Variants in RAB4A observed in about 807,000 individuals in gnomAD.
RAB4A encodes ras-related protein Rab-4A.
RAB4A carries 20 observed loss-of-function variants against 34.5 expected under a neutral mutation model. That is an observed-to-expected ratio of 0.58 (90% CI 0.41 to 0.84). The LOEUF is 0.84. RAB4A is among the 40% of genes least tolerant of loss of function. The pLI, the probability that RAB4A is intolerant of heterozygous loss-of-function variation, is 0.00. For synonymous variants in RAB4A, 102 were observed against 100.0 expected (o/e 1.02, Z -0.12); for missense variants, 228 against 274.5 (o/e 0.83, Z 1.20).
At chr1:229,275,452 T>C (rs1656615437) in intron 1 of RAB4A, among the ~76,000 whole-genome samples, 1 of 152,238 alleles carries the variant, frequency 6.6e-6, no homozygotes, top group South Asian at 2.1e-4. Flanking sequence ...AATAAACTTC[T>C]GTTGTTTTAA....
chr1:229,303,052 G>C (rs957458239), intron 7 of RAB4A, 63 bp downstream of exon 7: 7 of 1,157,890 alleles, frequency 6.0e-6, no homozygotes, highest in African/African-American at 1.5e-5. Context: ...GCCTGTTAAA[G>C]CTTTGGGAAG....
At chr1:229,303,262 C>T (rs534478581) in intron 7 of RAB4A, among the ~76,000 whole-genome samples, 4 of 151,522 alleles carry the variant, frequency 2.6e-5, no homozygotes, top group Non-Finnish European at 4.4e-5. Context: ...ACTCATGAAA[C>T]TTAGGAGAAT....
Position 229,305,196 on chromosome 1 carries a change from A to G in RAB4A, c.*1403A>G. The G allele has an allele frequency of 5.6e-6, 9 of 1,605,658 alleles. No homozygotes were observed. The highest frequency in any genetic ancestry group is 7.6e-6 in the Non-Finnish European group (9 of 1,176,826). On this transcript the variant is annotated 3_prime_UTR_variant, in exon 8 of 8. Coordinates refer to ENST00000366690, the MANE Select transcript of RAB4A (RefSeq NM_004578.4). The stretch of plus-strand genomic sequence containing the variant: ...AGATATTTTGAGTTTTGCTTTTTTT[A>G]TGCCTTGAATATTTTATTTCAAAAA...
intron 1 of RAB4A, among the ~76,000 whole-genome samples, chr1:229,273,716 G>A (rs748129599): frequency 3.2e-4 from 48 of 152,298 alleles, no homozygotes; most frequent in Non-Finnish European, 5.4e-4. Context: ...TCCATCCTGG[G>A]CAACAGAGTG....
chr1:229,271,247 T>G lies in RAB4A; in HGVS notation c.-93T>G. On this transcript the variant is annotated 5_prime_UTR_variant, in exon 1 of 8. Coordinates refer to ENST00000366690, the MANE Select transcript of RAB4A (RefSeq NM_004578.4). ...CCGGTCGGGCCCCTCCCTCCTCCGG[T>G]CCCCCGCCCCAGGTCCTTCCCCACC... 1 of 1,204,766 alleles carries G rather than the reference T, an allele frequency of 8.3e-7. No individual in the cohort carries two copies. Among genetic ancestry groups the G allele is most frequent in the Non-Finnish European group, 1.0e-6 (1 of 956,720 alleles). 74.6% of individuals were successfully genotyped at this position (1,204,766 alleles called of 1,614,324 possible). A position where few individuals can be genotyped will look rare whatever the true frequency, so the allele number is the denominator to read the frequency against.
rs149627858 is a variant in RAB4A, at chr1:229,303,947, A to C, written c.*154A>C. 2.0e-5 allele frequency: 3 copies of C among 152,258 alleles called. 1 individual carries two copies. Among genetic ancestry groups the C allele is most frequent in the Non-Finnish European group, 4.4e-5 (3 of 68,044 alleles). 9.4% of individuals were successfully genotyped at this position (152,258 alleles called of 1,614,324 possible). On this transcript the variant is annotated 3_prime_UTR_variant, in exon 8 of 8. Coordinates refer to ENST00000366690, the MANE Select transcript of RAB4A (RefSeq NM_004578.4). The stretch of plus-strand genomic sequence containing the variant: ...TTTGGGGTGTTCTGCAAGCCAGTCA[A>C]AGTGGCACAGCAAATCATATAAATC...
At chr1:229,284,908 C>T (rs1656884123) in intron 1 of RAB4A, among the ~76,000 whole-genome samples, 1 of 152,088 alleles carries the variant, frequency 6.6e-6, no homozygotes, top group Admixed American at 6.5e-5. Flanking sequence ...TTTATATGTT[C>T]TGTCCTCAGC....
intron 3 of RAB4A, among the ~76,000 whole-genome samples, chr1:229,289,826 TTAAG>T (rs1444028199): frequency 1.3e-5 from 2 of 152,114 alleles, no homozygotes; most frequent in Non-Finnish European, 2.9e-5. Flanking sequence ...CAAAAATTAA[TTAAG>T]TAATTGAAGT....
chr1:229,272,091 AG>A (rs1288807384), intron 1 of RAB4A, among the ~76,000 whole-genome samples: 1 of 149,666 alleles, frequency 6.7e-6, no homozygotes, highest in African/African-American at 2.5e-5. Context: ...AATAAGCGAA[AG>A]CTTTCCCAGT....
chr1:229,272,862 A>G (rs908599330), intron 1 of RAB4A, among the ~76,000 whole-genome samples: 13 of 152,332 alleles, frequency 8.5e-5, no homozygotes, highest in African/African-American at 3.1e-4. Flanking sequence ...ACAAAGGGGC[A>G]TGACATCTGT....
At chr1:229,274,384 C>T (rs1656584860) in intron 1 of RAB4A, among the ~76,000 whole-genome samples, 1 of 152,090 alleles carries the variant, frequency 6.6e-6, no homozygotes, top group Admixed American at 6.5e-5. Flanking sequence ...TGTTTATGAG[C>T]TACCTCTCAT....
At position 229,302,282 on chromosome 1, in the gene RAB4A, TA is replaced by T. The variant is rs56208311; in HGVS notation, c.542-579del. On this transcript the variant is annotated intron_variant, in intron 6 of 7. Coordinates refer to ENST00000366690, the MANE Select transcript of RAB4A (RefSeq NM_004578.4). ...TTATATATATATATATATATATATA[TA>T]TATATATATATATATATATATATAT... is the stretch of plus-strand genomic sequence containing the variant. Among the ~76,000 whole-genome samples the T allele has an allele frequency of 4.0e-3, 78 of 19,368 alleles. 7 individuals carry two copies. The highest frequency in any genetic ancestry group is 0.011 in the African/African-American group (42 of 3,846). 12.7% of individuals were successfully genotyped at this position (19,368 alleles called of 152,430 possible).
At chr1:229,280,933 T>A (rs1200525260) in intron 1 of RAB4A, among the ~76,000 whole-genome samples, 1 of 152,234 alleles carries the variant, frequency 6.6e-6, no homozygotes, top group African/African-American at 2.4e-5. Flanking sequence ...GGAGATACAT[T>A]CCAGGTTATT....
At chr1:229,298,858 T>C (rs1657309136) in intron 5 of RAB4A, 119 bp from the exon 6 acceptor site, 2 of 715,332 alleles carry the variant, frequency 2.8e-6, no homozygotes, top group African/African-American at 1.8e-5. Context: ...AAATATATGG[T>C]TTTAGGTCAT....
At position 229,271,141 on chromosome 1, in the gene RAB4A, A is replaced by C. The variant is rs1656426437; in HGVS notation, c.-199A>C. The C allele has an allele frequency of 7.6e-6, 3 of 395,336 alleles. No homozygotes were observed. The highest frequency in any genetic ancestry group is 8.2e-5 in the East Asian group (2 of 24,410). The allele number at this position is 395,336 out of a possible 1,614,324, so 24.5% of individuals were successfully genotyped here. On this transcript the variant is annotated 5_prime_UTR_variant, in exon 1 of 8. Transcript: ENST00000366690. ...CCTCCTCGCGGTCGCGGCCGGACGG[A>C]GGGTGGAGGGCCCTGCGCCTGCGCG...
intron 3 of RAB4A, among the ~76,000 whole-genome samples, chr1:229,292,271 T>C (rs1657109640): frequency 6.6e-6 from 1 of 152,124 alleles, no homozygotes; most frequent in Non-Finnish European, 1.5e-5. Flanking sequence ...CTCAAAGTAG[T>C]ATTCTTAAAT....
chr1:229,284,473 A>G (rs1656871741), intron 1 of RAB4A, among the ~76,000 whole-genome samples: 1 of 152,154 alleles, frequency 6.6e-6, no homozygotes. Flanking sequence ...TTGGAAGTGG[A>G]AGTCCACCTG....
At chr1:229,287,093 G>A (rs1656942338) in intron 2 of RAB4A, among the ~76,000 whole-genome samples, 1 of 152,198 alleles carries the variant, frequency 6.6e-6, no homozygotes, top group African/African-American at 2.4e-5. Context: ...GGCTGTAGAA[G>A]ACTGTAGGTT....
intron 1 of RAB4A, among the ~76,000 whole-genome samples, chr1:229,277,445 C>T (rs530488381): frequency 1.3e-5 from 2 of 151,266 alleles, no homozygotes; most frequent in South Asian, 2.1e-4. Context: ...TCCACCTCTC[C>T]TAACCAGCAT....
Sources: allele counts gnomAD v4.1 joint callset (sites outside exome capture counted in the v4.1 genomes callset), GRCh38; gene constraint gnomAD v4.1.1; transcripts MANE v1.5; gene names NCBI Gene and HGNC (gene_info 2026-07-23, HGNC 2026-07-21).